The following FBXO45 variants were observed in gnomAD, a reference collection of about 807,000 sequenced individuals.
FBXO45 encodes F-box/SPRY domain-containing protein 1.
Under a neutral mutation model 25.5 loss-of-function variants are expected in FBXO45, and 3 were observed. The observed-to-expected ratio is 0.12, with a 90% CI of 0.05 to 0.30. FBXO45 has a LOEUF of 0.30. FBXO45 is among the 10% of genes least tolerant of loss of function. FBXO45 has a pLI of 1.00. For missense variants in FBXO45, 219 were observed against 365.0 expected, an observed-to-expected ratio of 0.60 and a Z score of 3.26; for synonymous variants, 155 against 149.8, an observed-to-expected ratio of 1.03 and a Z score of -0.25.
intron 2 of FBXO45, among the ~76,000 whole-genome samples, chr3:196,583,861 G>T (rs1318809065): frequency 6.6e-6 from 1 of 152,118 alleles, no homozygotes; most frequent in Non-Finnish European, 1.5e-5. Flanking sequence ...TCACCATGTT[G>T]CCCAGGCTGG....
Position 196,569,317 on chromosome 3 carries a change from G to T in FBXO45, c.318+15G>T. On this transcript the variant is annotated intron_variant, in intron 1 of 2. Transcript: ENST00000311630. This position sits in a 1 kb window ranked among gnomAD's most constrained non-coding sequence, Gnocchi z 4.1. ...ACAAGGCCAAGGTGAGAGAGCCCCG[G>T]GCCACACCGCTGCCCCCAGTCCCGC... 6.6e-7 allele frequency: 1 copy of T among 1,512,136 alleles called. No individual in the cohort carries two copies. Among genetic ancestry groups the T allele is most frequent in the Admixed American group, 2.0e-5 (1 of 50,348 alleles). 93.7% of individuals were successfully genotyped at this position (1,512,136 alleles called of 1,614,324 possible). A position where few individuals can be genotyped will look rare whatever the true frequency, so the allele number is the denominator to read the frequency against.
chr3:196,569,086 G>A lies in FBXO45; in HGVS notation c.102G>A (p.Gly34=), dbSNP rs1338194234. 1 of 1,458,230 alleles carries A rather than the reference G, an allele frequency of 6.9e-7. No individual in the cohort carries two copies. Among genetic ancestry groups the A allele is most frequent in the Non-Finnish European group, 9.1e-7 (1 of 1,093,268 alleles). The allele number at this position is 1,458,230 out of a possible 1,614,324, so 90.3% of individuals were successfully genotyped here. Residue 34 remains glycine, a synonymous_variant, in exon 1 of 3, where the codon GGG becomes GGA. Transcript: ENST00000311630. The surrounding 1 kb of genome is among the most constrained non-coding windows in gnomAD (Gnocchi z 4.1). ...CGGGCTCGGGCTCTGGGGCCGCGGGGGCCGGGGGCCGGCTGCCCAGCCGGG... is the reference window on the plus strand; with the variant it reads ...CGGGCTCGGGCTCTGGGGCCGCGGGAGCCGGGGGCCGGCTGCCCAGCCGGG... ...AGAGSGSGAA[G]AGGRLPSRVL...
rs762020225 is a variant in FBXO45 at position 196,569,235 on chromosome 3, C to T, written c.251C>T (p.Ala84Val). Residue 84 changes from alanine (A) to valine (V), a missense_variant, in exon 1 of 3, where the codon GCC (alanine) becomes GTC (valine). This residue lies in a region of FBXO45 where 138 missense variants were observed against 157.3 expected (regional missense o/e 0.88). Transcript: ENST00000311630. This position sits in a 1 kb window ranked among gnomAD's most constrained non-coding sequence, Gnocchi z 4.1. ...ENSEVWRSLC[A>V]RSLAEEALRT... ...AGCGAGGTGTGGCGGAGCCTGTGCG[C>T]CCGCAGCCTGGCAGAAGAGGCTCTG... 1.3e-6 allele frequency: 2 copies of T among 1,582,750 alleles called. No individual in the cohort carries two copies. Among genetic ancestry groups the T allele is most frequent in the African/African-American group, 1.3e-5 (1 of 74,282 alleles).
intron 1 of FBXO45, among the ~76,000 whole-genome samples, chr3:196,577,142 C>T (rs551958979): frequency 3.9e-5 from 6 of 152,256 alleles, no homozygotes; most frequent in Admixed American, 2.0e-4. Flanking sequence ...TATCCATAAA[C>T]GTTTCAGTAT....
intron 1 of FBXO45, among the ~76,000 whole-genome samples, chr3:196,571,326 AAGGG>A (rs1440410991): frequency 1.3e-5 from 2 of 152,210 alleles, no homozygotes; most frequent in African/African-American, 4.8e-5. Context: ...TCCTGAGCTC[AAGGG>A]ATCCTCCTTA....
At chr3:196,582,620 C>CTT (rs1315918307) in intron 2 of FBXO45, among the ~76,000 whole-genome samples, 5 of 140,292 alleles carry the variant, frequency 3.6e-5, no homozygotes, top group African/African-American at 1.3e-4. Context: ...ATGAAACATC[C>CTT]TTTTTTTTTT....
At chr3:196,580,797 G>T (rs905132949) in intron 2 of FBXO45, among the ~76,000 whole-genome samples, 3 of 149,964 alleles carry the variant, frequency 2.0e-5, no homozygotes, top group African/African-American at 7.3e-5. Flanking sequence ...TTTGAGATAG[G>T]GTCTCGCTCT....
Position 196,570,168 on chromosome 3 carries a change from G to A in FBXO45, c.318+866G>A, listed in dbSNP as rs1255081895. ...GAATGGTTAACAGCTATTCAGTATA[G>A]CAGTCAATCAAGATCATATATAAGA... On this transcript the variant is annotated intron_variant, in intron 1 of 2. Transcript: ENST00000311630. Among the ~76,000 whole-genome samples, 6 of 152,156 alleles carry A rather than the reference G, an allele frequency of 3.9e-5. No individual in the cohort carries two copies. The South Asian group carries it at 1.2e-3, about 31-fold the overall frequency.
intron 2 of FBXO45, among the ~76,000 whole-genome samples, chr3:196,581,948 T>C (rs1456814244): frequency 6.6e-6 from 1 of 152,212 alleles, no homozygotes; most frequent in African/African-American, 2.4e-5. Flanking sequence ...GCTTTGCTGC[T>C]TTTTTAGTCC....
Position 196,585,457 on chromosome 3 carries a change from T to A in FBXO45, c.*1139T>A, listed in dbSNP as rs1451037364. ...CTAATCTAAGCCTCAAACTCGTTAT[T>A]GGGGCTATAAAGAAAACGTTTACTT... On this transcript the variant is annotated 3_prime_UTR_variant, in exon 3 of 3. Transcript: ENST00000311630. 8 of 152,348 alleles carry A rather than the reference T, an allele frequency of 5.3e-5. No homozygotes were observed. The highest frequency in any genetic ancestry group is 1.0e-4 in the Non-Finnish European group (7 of 68,028). 9.4% of individuals were successfully genotyped at this position (152,348 alleles called of 1,614,324 possible).
At chr3:196,575,920 G>C (rs1735905702) in intron 1 of FBXO45, among the ~76,000 whole-genome samples, 1 of 152,102 alleles carries the variant, frequency 6.6e-6, no homozygotes. Context: ...CAGGCGATTT[G>C]CCCACCTTGC....
At position 196,569,326 on chromosome 3, in the gene FBXO45, G is replaced by T. The variant is rs564158968; in HGVS notation, c.318+24G>T. The T allele has an allele frequency of 1.2e-5, 18 of 1,482,226 alleles. No individual in the cohort carries two copies. The South Asian group carries it at 2.3e-4, about 19-fold the overall frequency. The allele number at this position is 1,482,226 out of a possible 1,614,324, so 91.8% of individuals were successfully genotyped here. ...AGGTGAGAGAGCCCCGGGCCACACC[G>T]CTGCCCCCAGTCCCGCTCCCCGGCG... is the stretch of plus-strand genomic sequence containing the variant. On this transcript the variant is annotated intron_variant, in intron 1 of 2. Coordinates refer to ENST00000311630, the MANE Select transcript of FBXO45 (RefSeq NM_001105573.2). This position sits in a 1 kb window ranked among gnomAD's most constrained non-coding sequence, Gnocchi z 4.1.
chr3:196,578,609 G>A (rs1032640374), intron 2 of FBXO45, among the ~76,000 whole-genome samples: 1 of 151,666 alleles, frequency 6.6e-6, no homozygotes, highest in Non-Finnish European at 1.5e-5. Flanking sequence ...GTAAATGAAC[G>A]AACATGGCTG....
intron 1 of FBXO45, among the ~76,000 whole-genome samples, chr3:196,574,018 A>G (rs1735873169): frequency 6.7e-6 from 1 of 149,756 alleles, no homozygotes; most frequent in African/African-American, 2.5e-5. Context: ...GCTCACTGCA[A>G]CCTCTGCTTC....
chr3:196,584,533 G>T lies in FBXO45; in HGVS notation c.*215G>T. 1 of 475,220 alleles carries T rather than the reference G, an allele frequency of 2.1e-6. No individual in the cohort carries two copies. Among genetic ancestry groups the T allele is most frequent in the South Asian group, 3.8e-5 (1 of 25,978 alleles). The allele number at this position is 475,220 out of a possible 1,614,324, so 29.4% of individuals were successfully genotyped here. On this transcript the variant is annotated 3_prime_UTR_variant, in exon 3 of 3. Coordinates refer to ENST00000311630, the MANE Select transcript of FBXO45 (RefSeq NM_001105573.2). The surrounding 1 kb of genome is among the most constrained non-coding windows in gnomAD (Gnocchi z 4.3). ...CTCAGGGTTGCAGTTGGTTGAGTGG[G>T]CAGTTGACATATGCATGTTGCACCC...
Position 196,568,792 on chromosome 3 carries a change from G to C in FBXO45, c.-193G>C, listed in dbSNP as rs1273763793. ...CGGAGGACGCCCCTGCAGCCGGTGC[G>C]TCTGCCCTCAGTGAGGCGGGGCGCG... On this transcript the variant is annotated 5_prime_UTR_variant, in exon 1 of 3. Coordinates refer to ENST00000311630, the MANE Select transcript of FBXO45 (RefSeq NM_001105573.2). 4.7e-6 allele frequency: 1 copy of C among 214,746 alleles called. No individual in the cohort carries two copies. Among genetic ancestry groups the C allele is most frequent in the South Asian group, 1.7e-4 (1 of 6,050 alleles). The allele number at this position is 214,746 out of a possible 1,614,324, so 13.3% of individuals were successfully genotyped here.
At chr3:196,570,397 C>T (rs905712771) in intron 1 of FBXO45, among the ~76,000 whole-genome samples, 14 of 151,870 alleles carry the variant, frequency 9.2e-5, no homozygotes, top group South Asian at 6.2e-4. Context: ...GCCACCATGC[C>T]CGGCTAATTT....
rs1450933439 is a variant in FBXO45, at chr3:196,569,396, G to A, written c.318+94G>A. The A allele has an allele frequency of 2.4e-6, 3 of 1,245,312 alleles. No homozygotes were observed. Among genetic ancestry groups the A allele is most frequent in the South Asian group, 3.2e-5 (2 of 62,906 alleles). The allele number at this position is 1,245,312 out of a possible 1,614,324, so 77.1% of individuals were successfully genotyped here. On this transcript the variant is annotated intron_variant, in intron 1 of 2. Coordinates refer to ENST00000311630, the MANE Select transcript of FBXO45 (RefSeq NM_001105573.2). The surrounding 1 kb of genome is among the most constrained non-coding windows in gnomAD (Gnocchi z 4.1). ...TCCGAGCTTCTGAGTCAGAAGCTTC[G>A]CCTCACCAGCCCGCCTTTCCACGGC...
chr3:196,574,188 C>G (rs188745750), intron 1 of FBXO45, among the ~76,000 whole-genome samples: 1 of 152,236 alleles, frequency 6.6e-6, no homozygotes, highest in Admixed American at 6.5e-5. Context: ...CTGCCTCGGC[C>G]TCCTGAAGTG....
Sources: gnomAD v4.1 joint callset for allele counts (sites outside exome capture counted in the v4.1 genomes callset) on GRCh38, gnomAD v4.1.1 for gene constraint, gnomAD v4.1.1 regional missense constraint, Gnocchi (gnomAD v3.1) non-coding constraint, MANE v1.5 for transcripts, NCBI Gene and HGNC (gene_info 2026-07-23, HGNC 2026-07-21) for gene names.